The following CDH12 variants were observed in gnomAD, a reference collection of about 807,000 sequenced individuals.
CDH12 encodes cadherin 12.
In CDH12, 41 loss-of-function variants were observed where a neutral mutation model predicts 74.1. The observed-to-expected ratio is 0.55, with a 90% CI of 0.43 to 0.72. The LOEUF is 0.72. Ranked by LOEUF, CDH12 falls within the 30% of genes least tolerant of loss-of-function variation. The pLI is 0.00. For missense variants in CDH12, 945 were observed against 977.2 expected, an observed-to-expected ratio of 0.97 and a Z score of 0.44; for synonymous variants, 399 against 355.0, an observed-to-expected ratio of 1.12 and a Z score of -1.39.
intron 4 of CDH12, among the ~76,000 whole-genome samples, chr5:22,109,139 G>A (rs1311206368): frequency 6.6e-6 from 1 of 152,126 alleles, no homozygotes; most frequent in African/African-American, 2.4e-5. Context: ...GAATTTGGGG[G>A]AGACAATTTT....
chr5:22,220,513 T>G (rs1049183306), intron 3 of CDH12, among the ~76,000 whole-genome samples: 1 of 151,746 alleles, frequency 6.6e-6, no homozygotes, highest in Admixed American at 6.6e-5. Context: ...CATGAGAAAC[T>G]AAATTTTTTT....
At chr5:22,792,729 A>T (rs1031189551) in intron 1 of CDH12, among the ~76,000 whole-genome samples, 2 of 152,162 alleles carry the variant, frequency 1.3e-5, no homozygotes, top group African/African-American at 4.8e-5. Context: ...GGTTGATCAA[A>T]TACAATCTCT....
intron 1 of CDH12, among the ~76,000 whole-genome samples, chr5:22,660,152 A>T (rs1188137927): frequency 6.6e-6 from 1 of 152,182 alleles, no homozygotes; most frequent in Non-Finnish European, 1.5e-5. Context: ...TTATTTTATA[A>T]CCACTCACAC....
At chr5:21,959,519 T>C (rs1756251185) in intron 6 of CDH12, among the ~76,000 whole-genome samples, 1 of 151,946 alleles carries the variant, frequency 6.6e-6, no homozygotes, top group Admixed American at 6.6e-5. Context: ...AATAAAGGAA[T>C]GGAGGAAAAT....
chr5:22,635,031 G>A (rs1166146062), intron 1 of CDH12, among the ~76,000 whole-genome samples: 2 of 151,040 alleles, frequency 1.3e-5, no homozygotes, highest in Non-Finnish European at 2.9e-5. Context: ...AAGGAACTTA[G>A]AATAGACAAA....
intron 2 of CDH12, among the ~76,000 whole-genome samples, chr5:22,452,182 T>C (rs550091563): frequency 6.6e-6 from 1 of 151,826 alleles, no homozygotes; most frequent in Non-Finnish European, 1.5e-5. Flanking sequence ...CAATTCCTAT[T>C]AAAATGTTAA....
At chr5:22,446,749 G>T (rs915183202) in intron 2 of CDH12, among the ~76,000 whole-genome samples, 23 of 151,988 alleles carry the variant, frequency 1.5e-4, no homozygotes, top group Non-Finnish European at 2.2e-4. Flanking sequence ...AAAGCTTTTT[G>T]TACTCAAGTT....
At chr5:22,226,052 T>C (rs1348858936) in intron 3 of CDH12, among the ~76,000 whole-genome samples, 1 of 152,056 alleles carries the variant, frequency 6.6e-6, no homozygotes, top group Non-Finnish European at 1.5e-5. Context: ...ACGCCCCCTT[T>C]AGCTACTTTC....
intron 1 of CDH12, among the ~76,000 whole-genome samples, chr5:22,820,985 A>G (rs1262640981): frequency 2.0e-5 from 3 of 152,192 alleles, no homozygotes; most frequent in Non-Finnish European, 2.9e-5. Flanking sequence ...AAAATCCTCA[A>G]TAAAATACTG....
intron 6 of CDH12, among the ~76,000 whole-genome samples, chr5:21,876,044 C>A (rs933133462): frequency 6.6e-6 from 1 of 151,848 alleles, no homozygotes; most frequent in African/African-American, 2.4e-5. Flanking sequence ...TACAGGTGCA[C>A]GCCACCATGC....
rs192794911 is a variant in CDH12, at chr5:22,337,216, C to G, written c.-333+68041G>C. 1.1e-3 allele frequency among the ~76,000 whole-genome samples: 175 copies of G among 152,254 alleles called. 2 individuals carry two copies. Among genetic ancestry groups the G allele is most frequent in the African/African-American group, 4.1e-3 (170 of 41,544 alleles). ...TTGTATCTAGGAAGTACCTATCTTGCTTTTGATTTTACAGGCTCATAGGCA... is the reference window on the plus strand; with the variant it reads ...TTGTATCTAGGAAGTACCTATCTTGGTTTTGATTTTACAGGCTCATAGGCA... On this transcript the variant is annotated intron_variant, in intron 3 of 14. Transcript: ENST00000382254.
intron 2 of CDH12, among the ~76,000 whole-genome samples, chr5:22,423,775 GGGT>G (rs1186385625): frequency 6.6e-6 from 1 of 151,962 alleles, no homozygotes; most frequent in Non-Finnish European, 1.5e-5. Flanking sequence ...AGTCCGCGGC[GGGT>G]GGATCACGAG....
chr5:21,903,120 T>C (rs1486391644), intron 6 of CDH12, among the ~76,000 whole-genome samples: 1 of 151,882 alleles, frequency 6.6e-6, no homozygotes, highest in Non-Finnish European at 1.5e-5. Context: ...TAAAAATAAA[T>C]ACAATTAAAT....
At chr5:22,545,613 C>T (rs1180859952) in intron 1 of CDH12, among the ~76,000 whole-genome samples, 2 of 152,156 alleles carry the variant, frequency 1.3e-5, no homozygotes, top group South Asian at 2.1e-4. Flanking sequence ...GGTAAGCCTA[C>T]GATCAAAATA....
chr5:22,545,110 G>A (rs1738258577), intron 1 of CDH12, among the ~76,000 whole-genome samples: 1 of 152,078 alleles, frequency 6.6e-6, no homozygotes, highest in African/African-American at 2.4e-5. Flanking sequence ...CTTTTGAGGT[G>A]GATATTTGTG....
At chr5:22,511,393 C>T (rs1170552667) in intron 1 of CDH12, among the ~76,000 whole-genome samples, 1 of 151,456 alleles carries the variant, frequency 6.6e-6, no homozygotes, top group Non-Finnish European at 1.5e-5. Context: ...TGTCAACAAT[C>T]AATAAAGTAT....
In CDH12 at chr5:22,433,456, A is replaced by C. The variant is rs111676344; in HGVS notation, c.-427-28105T>G. Among the ~76,000 whole-genome samples the C allele has an allele frequency of 6.3e-3, 961 of 152,266 alleles. 11 individuals carry two copies. The highest frequency in any genetic ancestry group is 0.022 in the African/African-American group (919 of 41,568). On this transcript the variant is annotated intron_variant, in intron 2 of 14. Transcript: ENST00000382254. ...TTGTACTGGAGATATTAAAACGTAT[A>C]GGGATGCATGCATCACTTAAGGAAT... is the stretch of plus-strand genomic sequence containing the variant.
intron 5 of CDH12, among the ~76,000 whole-genome samples, chr5:22,053,540 C>A (rs988345527): frequency 3.9e-5 from 6 of 152,014 alleles, no homozygotes; most frequent in African/African-American, 1.4e-4. Flanking sequence ...GCTTTCTATC[C>A]AGGGAGACTC....
At chr5:22,846,756 G>A (rs1314929586) in intron 1 of CDH12, among the ~76,000 whole-genome samples, 1 of 152,022 alleles carries the variant, frequency 6.6e-6, no homozygotes, top group Non-Finnish European at 1.5e-5. Flanking sequence ...TTTTTAAAAA[G>A]TAACACCTGC....
Sources: allele counts gnomAD v4.1 joint callset (sites outside exome capture counted in the v4.1 genomes callset), GRCh38; gene constraint gnomAD v4.1.1; transcripts MANE v1.5; gene names NCBI Gene and HGNC (gene_info 2026-07-23, HGNC 2026-07-21).